SEMA6D: variants seen among roughly 807,000 people sequenced by gnomAD.
SEMA6D encodes semaphorin 6D, also known as semaphorin-6D.
SEMA6D carries 35 observed loss-of-function variants against 106.6 expected under a neutral mutation model. That is an observed-to-expected ratio of 0.33 (90% CI 0.25 to 0.44). The LOEUF is 0.44. SEMA6D is among the 20% of genes least tolerant of loss of function. SEMA6D has a pLI of 1.00. For synonymous variants in SEMA6D, 499 were observed against 487.7 expected (o/e 1.02, Z -0.31); for missense variants, 1,185 against 1,345.9 (o/e 0.88, Z 1.87).
intron 3 of SEMA6D, among the ~76,000 whole-genome samples, chr15:47,586,656 G>A (rs12905006): frequency 0.24 from 36,235 of 151,972 alleles, 5,166 homozygotes; most frequent in East Asian, 0.46. Context: ...TTACAATGGA[G>A]TTCTATGAGT....
intron 3 of SEMA6D, among the ~76,000 whole-genome samples, chr15:47,508,155 C>A (rs181361030): frequency 1.7e-3 from 257 of 152,328 alleles, no homozygotes; most frequent in Middle Eastern, 3.4e-3. Context: ...AAGTCAGATT[C>A]TCTCTGGTTT....
At chr15:47,220,247 C>T (rs908743331) in intron 1 of SEMA6D, among the ~76,000 whole-genome samples, 82 of 152,140 alleles carry the variant, frequency 5.4e-4, no homozygotes, top group African/African-American at 1.8e-3. Context: ...TTTCTGCAAG[C>T]GATAAACCGA....
intron 1 of SEMA6D, among the ~76,000 whole-genome samples, chr15:47,343,248 TTTATTA>T (rs10637657): frequency 2.1e-5 from 3 of 146,148 alleles, no homozygotes; most frequent in Admixed American, 1.4e-4. Context: ...TAGTTGGATT[TTTATTA>T]TTATTATTAT....
intron 3 of SEMA6D, among the ~76,000 whole-genome samples, chr15:47,521,939 G>C (rs796505067): frequency 1.3e-5 from 2 of 151,650 alleles, no homozygotes; most frequent in Admixed American, 1.3e-4. Context: ...GAGCCGAGAT[G>C]GCGCCACTGC....
intron 1 of SEMA6D, among the ~76,000 whole-genome samples, chr15:47,331,580 T>C (rs768810021): frequency 2.0e-5 from 3 of 152,242 alleles, no homozygotes; most frequent in Non-Finnish European, 2.9e-5. Context: ...AGCATAGACA[T>C]ATGCATAAAC....
chr15:47,235,605 C>T lies in SEMA6D; in HGVS notation c.-239+51187C>T, dbSNP rs2032489654. ...TTTCTTCGATTTATGTTTTCCTATGCTTTGTTGAAGATCAGTTGGTTGTAA... is the reference window on the plus strand; with the variant it reads ...TTTCTTCGATTTATGTTTTCCTATGTTTTGTTGAAGATCAGTTGGTTGTAA... On this transcript the variant is annotated intron_variant, in intron 1 of 19. Coordinates refer to the SEMA6D transcript ENST00000558014. 3.3e-5 allele frequency among the ~76,000 whole-genome samples: 5 copies of T among 152,066 alleles called. No homozygotes were observed. The South Asian group carries it at 1.0e-3, about 32-fold the overall frequency.
intron 1 of SEMA6D, among the ~76,000 whole-genome samples, chr15:47,196,135 C>A (rs1894337771): frequency 6.6e-6 from 1 of 151,952 alleles, no homozygotes; most frequent in Non-Finnish European, 1.5e-5. Context: ...AGGGAAGTAA[C>A]TGGCATCTGA....
In SEMA6D at chr15:47,771,519, G is replaced by A. The variant is rs777740416; in HGVS notation, c.2956G>A (p.Gly986Ser). The A allele has an allele frequency of 6.2e-7, 1 of 1,614,040 alleles. No homozygotes were observed. Among genetic ancestry groups the A allele is most frequent in the South Asian group, 1.1e-5 (1 of 91,078 alleles). Reference sequence around the variant, plus strand: ...GCCTAAAAACTTAAACTCACCAAATGGTGTTTTGTTATCCAGACAGCCTAG... The same window carrying A: ...GCCTAAAAACTTAAACTCACCAAATAGTGTTTTGTTATCCAGACAGCCTAG... ...AMPKNLNSPNGVLLSRQPSMN... is the reference protein window; with the variant it reads ...AMPKNLNSPNSVLLSRQPSMN... The change falls in exon 19 of 19, where the codon GGT (glycine) becomes AGT (serine). Residue 986 changes from glycine to serine, a missense_variant. Transcript: ENST00000536845.
intron 1 of SEMA6D, among the ~76,000 whole-genome samples, chr15:47,251,814 T>C (rs1353011935): frequency 6.6e-6 from 1 of 152,096 alleles, no homozygotes; most frequent in Non-Finnish European, 1.5e-5. Context: ...ATTAAAGATA[T>C]TGAACCTCTG....
intron 1 of SEMA6D, among the ~76,000 whole-genome samples, chr15:47,331,177 A>C (rs193246319): frequency 1.3e-5 from 2 of 152,306 alleles, no homozygotes; most frequent in Admixed American, 1.3e-4. Flanking sequence ...ATCTGGATAA[A>C]TGTTACCTCA....
At chr15:47,612,186 C>A (rs1376322865) in intron 4 of SEMA6D, among the ~76,000 whole-genome samples, 1 of 151,994 alleles carries the variant, frequency 6.6e-6, no homozygotes, top group African/African-American at 2.4e-5. Flanking sequence ...TTTATGCTGC[C>A]CCTGAGGCCA....
At chr15:47,360,592 T>C (rs1212993121) in intron 1 of SEMA6D, among the ~76,000 whole-genome samples, 2 of 152,074 alleles carry the variant, frequency 1.3e-5, no homozygotes, top group Non-Finnish European at 2.9e-5. Context: ...GGTGAGAAAA[T>C]TGATCAGGGG....
chr15:47,604,909 T>C (rs2097604883), intron 4 of SEMA6D, among the ~76,000 whole-genome samples: 1 of 150,164 alleles, frequency 6.7e-6, no homozygotes. Context: ...GGTTTCACCA[T>C]GTTAGCCAGG....
intron 1 of SEMA6D, among the ~76,000 whole-genome samples, chr15:47,364,245 G>C (rs1199549160): frequency 6.6e-6 from 1 of 152,190 alleles, no homozygotes; most frequent in Non-Finnish European, 1.5e-5. Context: ...CCTGGTAGGA[G>C]GTTGTGGAAC....
intron 1 of SEMA6D, among the ~76,000 whole-genome samples, chr15:47,366,113 TAA>T (rs2039020884): frequency 6.6e-6 from 1 of 152,186 alleles, no homozygotes; most frequent in African/African-American, 2.4e-5. Context: ...TCACAAATGA[TAA>T]AGATTCGGAC....
intron 1 of SEMA6D, among the ~76,000 whole-genome samples, chr15:47,330,409 A>T (rs1230716292): frequency 6.6e-6 from 1 of 152,200 alleles, no homozygotes; most frequent in East Asian, 1.9e-4. Context: ...AACAGTGGTG[A>T]TAGTGATGAG....
At chr15:47,229,989 T>C (rs1383727378) in intron 1 of SEMA6D, among the ~76,000 whole-genome samples, 1 of 152,070 alleles carries the variant, frequency 6.6e-6, no homozygotes, top group African/African-American at 2.4e-5. Flanking sequence ...TGCATGAAAC[T>C]TTATTGTATT....
intron 2 of SEMA6D, among the ~76,000 whole-genome samples, chr15:47,456,973 A>G (rs534172874): frequency 6.6e-6 from 1 of 152,140 alleles, no homozygotes; most frequent in Admixed American, 6.6e-5. Flanking sequence ...GAAACCACCC[A>G]CATCTTGAGA....
At chr15:47,651,275 G>A (rs1417763622) in intron 4 of SEMA6D, among the ~76,000 whole-genome samples, 3 of 152,052 alleles carry the variant, frequency 2.0e-5, no homozygotes, top group African/African-American at 7.2e-5. Flanking sequence ...ATAGTGACAT[G>A]TGTCTGTCAT....
Sources: allele counts gnomAD v4.1 joint callset (sites outside exome capture counted in the v4.1 genomes callset), GRCh38; gene constraint gnomAD v4.1.1; transcripts MANE v1.5; gene names NCBI Gene and HGNC (gene_info 2026-07-23, HGNC 2026-07-21).